CRELD1: variants seen among roughly 807,000 people sequenced by gnomAD.
CRELD1 encodes the protein protein disulfide isomerase CRELD1.
Under a neutral mutation model 58.2 loss-of-function variants are expected in CRELD1, and 42 were observed. That is an observed-to-expected ratio of 0.72 (90% CI 0.56 to 0.93). The LOEUF is 0.93. CRELD1 is among the 40% of genes least tolerant of loss of function. The pLI is 0.00. For missense variants in CRELD1, 500 were observed against 540.6 expected (o/e 0.92, Z 0.74); for synonymous variants, 222 against 202.0 (o/e 1.10, Z -0.84).
At chr3:9,940,716 G>C in intron 5 of CRELD1, 134 bp from the exon 6 acceptor site, 1 of 630,054 alleles carries the variant, frequency 1.6e-6, no homozygotes, top group Non-Finnish European at 2.8e-6. Context: ...GGGAGAGGGA[G>C]AGGGAAAGGG....
Position 9,934,932 on chromosome 3 carries a change from G to A in CRELD1, c.257+15G>A, listed in dbSNP as rs770548893. 2.5e-6 allele frequency: 4 copies of A among 1,600,758 alleles called. No homozygotes were observed. Among genetic ancestry groups the A allele is most frequent in the Non-Finnish European group, 3.4e-6 (4 of 1,172,484 alleles). ...TACAAAGACAGGTAAGGGGCTGCTG[G>A]GGGAAGGGGTGTATATTCCCCTCCC... is the stretch of plus-strand genomic sequence containing the variant. On this transcript the variant is annotated intron_variant, in intron 3 of 10. Transcript: ENST00000452070.
At chr3:9,939,566 T>G (rs2085289496) in intron 5 of CRELD1, among the ~76,000 whole-genome samples, 1 of 152,200 alleles carries the variant, frequency 6.6e-6, no homozygotes, top group Non-Finnish European at 1.5e-5. Context: ...AGCATCTGTT[T>G]AACAAAGCAC....
At position 9,937,672 on chromosome 3, in the gene CRELD1, A is replaced by G. The variant is rs544520628; in HGVS notation, c.368A>G (p.Lys123Arg). 2 of 1,598,310 alleles carry G rather than the reference A, an allele frequency of 1.3e-6. No individual in the cohort carries two copies. The highest frequency in any genetic ancestry group is 1.7e-5 in the Admixed American group (1 of 57,392). ...EELVESWWFH[K>R]QQEAPDLFQW... is the part of the protein sequence containing the mutation. ...CTGGTGGAGAGCTGGTGGTTTCACA[A>G]GTGAGTGGCAAAGGGCCTTCCCTGG... The change falls in exon 4 of 11, where the codon AAG (lysine) becomes AGG (arginine). Residue 123 changes from lysine (K) to arginine (R), a missense_variant and splice_region_variant. Physicochemically the swap from Lys to Arg is conservative, Grantham distance 26 (BLOSUM62 2). Coordinates refer to ENST00000452070, the MANE Select transcript of CRELD1 (RefSeq NM_001077415.3).
chr3:9,940,770 G>A, intron 5 of CRELD1, 80 bp from the exon 6 acceptor site: 1 of 1,215,496 alleles, frequency 8.2e-7, no homozygotes, highest in Non-Finnish European at 1.2e-6. Flanking sequence ...CAAGGGAGAG[G>A]GAGAGGGAGA....
chr3:9,943,114 G>C lies in CRELD1; in HGVS notation c.855G>C (p.Gly285=), dbSNP rs201083358. ...CCTGCCTAGGCTGCATGGGGGCAGG[G>C]CCAGGTCGCTGTAAGAAGTGTAGCC... ...AKACLGCMGA[G]PGRCKKCSPG... Residue 285 remains glycine (G), a synonymous_variant, in exon 9 of 11, where the codon GGG becomes GGC. Coordinates refer to ENST00000452070, the MANE Select transcript of CRELD1 (RefSeq NM_001077415.3). 7 of 1,613,774 alleles carry C rather than the reference G, an allele frequency of 4.3e-6. No individual in the cohort carries two copies. In the East Asian group the frequency reaches 1.6e-4, roughly 36 times the overall value.
rs566500837 is a variant in CRELD1, at chr3:9,941,622, C to G, written c.733+416C>G. On this transcript the variant is annotated intron_variant, in intron 7 of 10. Transcript: ENST00000452070. ...TGGCTAACATGGTGAAACCCTGTCT[C>G]AACTAAAAATACAAAAAATTAGCTG... 2.0e-5 allele frequency among the ~76,000 whole-genome samples: 3 copies of G among 151,700 alleles called. No individual in the cohort carries two copies. In the South Asian group the frequency reaches 6.2e-4, roughly 32 times the overall value.
intron 5 of CRELD1, among the ~76,000 whole-genome samples, chr3:9,939,795 T>G (rs1325754554): frequency 6.6e-6 from 1 of 152,112 alleles, no homozygotes; most frequent in Non-Finnish European, 1.5e-5. Flanking sequence ...CCCCCTTTTC[T>G]ATTCCACAAA....
At position 9,941,035 on chromosome 3, in the gene CRELD1, C is replaced by T; in HGVS notation, c.637+9C>T. 6.2e-7 allele frequency: 1 copy of T among 1,614,158 alleles called. No homozygotes were observed. Among genetic ancestry groups the T allele is most frequent in the Non-Finnish European group, 8.5e-7 (1 of 1,180,022 alleles). On this transcript the variant is annotated intron_variant, in intron 6 of 10. Transcript: ENST00000452070. ...CCATCTGGTATGTTCGGGTAGGTAG[C>T]CAAAAGGTGTGGCACTGGGCAGGGG...
At chr3:9,934,303 C>G in intron 1 of CRELD1, 117 bp from the exon 2 acceptor site, 1 of 814,770 alleles carries the variant, frequency 1.2e-6, no homozygotes, top group South Asian at 1.4e-5. Flanking sequence ...CCAGTTTGGC[C>G]TCTTTTGCTT....
At chr3:9,935,450 T>G (rs892969136) in intron 3 of CRELD1, among the ~76,000 whole-genome samples, 13 of 152,168 alleles carry the variant, frequency 8.5e-5, no homozygotes, top group Admixed American at 7.2e-4. Flanking sequence ...TGATACTGTC[T>G]TCTCTACACC....
intron 5 of CRELD1, 137 bp from the exon 6 acceptor site, chr3:9,940,713 G>A: frequency 1.6e-6 from 1 of 630,236 alleles, no homozygotes; most frequent in South Asian, 1.8e-5. Context: ...ATGGGGAGAG[G>A]GAGAGGGAAA....
In CRELD1 at chr3:9,941,134, T is replaced by C. The variant is rs1334728818; in HGVS notation, c.661T>C (p.Cys221Arg). The C allele has an allele frequency of 1.2e-6, 2 of 1,614,200 alleles. No individual in the cohort carries two copies. The highest frequency in any genetic ancestry group is 3.3e-5 in the Admixed American group (2 of 60,024). ...CSACFGPCAR[C>R]SGPEESNCLQ... is the part of the protein sequence containing the mutation. Reference sequence around the variant, plus strand: ...AGCTTGTTTTGGCCCCTGTGCCCGATGCTCAGGACCTGAGGAATCAAACTG... The same window carrying C: ...AGCTTGTTTTGGCCCCTGTGCCCGACGCTCAGGACCTGAGGAATCAAACTG... The change falls in exon 7 of 11, where the codon TGC (cysteine) becomes CGC (arginine). Residue 221 changes from cysteine to arginine, a missense_variant. Cys to Arg is a radical substitution (Grantham distance 180). Coordinates refer to ENST00000452070, the MANE Select transcript of CRELD1 (RefSeq NM_001077415.3).
intron 5 of CRELD1, among the ~76,000 whole-genome samples, chr3:9,940,416 G>A (rs1382205110): frequency 1.3e-5 from 2 of 152,096 alleles, no homozygotes; most frequent in African/African-American, 2.4e-5. Context: ...CTGCAATCCC[G>A]GCACCTCGGG....
intron 7 of CRELD1, among the ~76,000 whole-genome samples, chr3:9,942,307 ATTTTT>A (rs566239032): frequency 6.6e-6 from 1 of 150,456 alleles, no homozygotes; most frequent in Non-Finnish European, 1.5e-5. Context: ...GTAGAGGTTT[ATTTTT>A]TTTTATCATA....
At chr3:9,935,892 A>G (rs990237543) in intron 3 of CRELD1, 22 of 152,196 alleles carry the variant, frequency 1.4e-4, no homozygotes, top group African/African-American at 5.3e-4. Context: ...TAGGAATTGG[A>G]AACAGGAATT....
At position 9,941,166 on chromosome 3, in the gene CRELD1, A is replaced by T. The variant is rs761040994; in HGVS notation, c.693A>T (p.Gln231His). 1 of 1,614,156 alleles carries T rather than the reference A, an allele frequency of 6.2e-7. No homozygotes were observed. The highest frequency in any genetic ancestry group is 8.5e-7 in the Non-Finnish European group (1 of 1,180,006). ...CSGPEESNCL[Q>H]CKKGWALHHL... ...GACCTGAGGAATCAAACTGTTTGCAATGCAAGAAGGGCTGGGCCCTGCATC... is the reference window on the plus strand; with the variant it reads ...GACCTGAGGAATCAAACTGTTTGCATTGCAAGAAGGGCTGGGCCCTGCATC... Residue 231 changes from glutamine to histidine, a missense_variant, in exon 7 of 11, where the codon CAA (glutamine) becomes CAT (histidine). By Grantham distance (24) the Gln-to-His change is conservative. Transcript: ENST00000452070.
At chr3:9,937,797 C>T (rs578067130) in intron 4 of CRELD1, 125 bp downstream of exon 4, 53 of 808,720 alleles carry the variant, frequency 6.6e-5, no homozygotes, top group Admixed American at 5.6e-4. Context: ...CCTTCCAAAC[C>T]CAGGTCTGCT....
intron 2 of CRELD1, 55 bp downstream of exon 2, chr3:9,934,667 C>T (rs2085115759): frequency 1.1e-5 from 18 of 1,587,816 alleles, no homozygotes; most frequent in East Asian, 2.2e-5. Context: ...GAGTGGGGAA[C>T]TCTGGGATGC....
chr3:9,942,985 G>A, intron 8 of CRELD1, 89 bp downstream of exon 8: 3 of 1,542,268 alleles, frequency 1.9e-6, no homozygotes, highest in Non-Finnish European at 2.7e-6. Flanking sequence ...CCCTTCTCAG[G>A]CTTCAGAGCA....
Sources: allele counts gnomAD v4.1 joint callset (sites outside exome capture counted in the v4.1 genomes callset), GRCh38; gene constraint gnomAD v4.1.1; transcripts MANE v1.5; gene names NCBI Gene and HGNC (gene_info 2026-07-23, HGNC 2026-07-21).